CNN1: variants seen among roughly 807,000 people sequenced by gnomAD.
CNN1 encodes calponin-1.
CNN1 carries 21 observed loss-of-function variants against 35.3 expected under a neutral mutation model. The ratio of observed to expected loss-of-function variants is 0.60; its 90% confidence interval spans 0.42 to 0.86. CNN1 has a LOEUF of 0.86. Among genes scored for constraint, CNN1 ranks in the 40% least tolerant of loss-of-function variants. The pLI, the probability that CNN1 is intolerant of heterozygous loss-of-function variation, is 0.00. For missense variants in CNN1, 314 were observed against 400.8 expected (o/e 0.78, Z 1.85); for synonymous variants, 164 against 161.8 (o/e 1.01, Z -0.10).
At chr19:11,542,626 A>C (rs1972491334) in intron 2 of CNN1, among the ~76,000 whole-genome samples, 1 of 147,936 alleles carries the variant, frequency 6.8e-6, no homozygotes, top group Non-Finnish European at 1.5e-5. Flanking sequence ...CCCAGGCTGG[A>C]GTGCAGTGGC....
At position 11,549,872 on chromosome 19, in the gene CNN1, A is replaced by G; in HGVS notation, c.*77A>G. The G allele has an allele frequency of 2.0e-6, 3 of 1,527,998 alleles. No homozygotes were observed. Among genetic ancestry groups the G allele is most frequent in the Non-Finnish European group, 2.6e-6 (3 of 1,132,300 alleles). 94.7% of individuals were successfully genotyped at this position (1,527,998 alleles called of 1,614,324 possible). A position where few individuals can be genotyped will look rare whatever the true frequency, so the allele number is the denominator to read the frequency against. Reference sequence around the variant, plus strand: ...GGCTGGACCCAGCCAGGCCCAGCCGACCCCCTCTCCCTGCATGGCATCCTC... The same window carrying G: ...GGCTGGACCCAGCCAGGCCCAGCCGGCCCCCTCTCCCTGCATGGCATCCTC... On this transcript the variant is annotated 3_prime_UTR_variant, in exon 7 of 7. Coordinates refer to ENST00000252456, the MANE Select transcript of CNN1 (RefSeq NM_001299.6). This position sits in a 1 kb window ranked among gnomAD's most constrained non-coding sequence, Gnocchi z 5.2.
chr19:11,549,429 C>T lies in CNN1; in HGVS notation c.608C>T (p.Thr203Ile). 1 of 1,613,848 alleles carries T rather than the reference C, an allele frequency of 6.2e-7. No homozygotes were observed. The highest frequency in any genetic ancestry group is 1.1e-5 in the South Asian group (1 of 91,066). ...LGTDQPLDQA[T>I]ISLQMGTNKG... ...ACAGACCAGCCTCTGGACCAGGCGA[C>T]CATCAGCCTGCAGATGGGCACCAAC... Residue 203 changes from threonine to isoleucine, a missense_variant, in exon 6 of 7, where the codon ACC (threonine) becomes ATC (isoleucine). Physicochemically the swap from Thr to Ile is moderately conservative, Grantham distance 89 (BLOSUM62 -1). Coordinates refer to ENST00000252456, the MANE Select transcript of CNN1 (RefSeq NM_001299.6). The surrounding 1 kb of genome is among the most constrained non-coding windows in gnomAD (Gnocchi z 5.2).
chr19:11,546,202 G>T (rs895552854), intron 2 of CNN1, among the ~76,000 whole-genome samples: 1 of 152,178 alleles, frequency 6.6e-6, no homozygotes, highest in Admixed American at 6.5e-5. Context: ...GTGTGTGCTT[G>T]GGTGGTTTGG....
rs1246253367 is a variant in CNN1 at position 11,547,885 on chromosome 19, G to T, written c.479G>T (p.Gly160Val). ...RKFEPGKLRE[G>V]RNIIGLQMGT... is the part of the protein sequence containing the mutation. ...TTCGAGCCGGGGAAGCTAAGAGAAGGGCGGAACATCATTGGGCTGCAGGTA... is the reference window on the plus strand; with the variant it reads ...TTCGAGCCGGGGAAGCTAAGAGAAGTGCGGAACATCATTGGGCTGCAGGTA... The change falls in exon 5 of 7, where the codon GGG becomes GTG. Residue 160 changes from glycine (G) to valine (V), a missense_variant. Gly to Val is a moderately radical substitution (Grantham distance 109). Transcript: ENST00000252456. 1 of 1,613,958 alleles carries T rather than the reference G, an allele frequency of 6.2e-7. No individual in the cohort carries two copies. Among genetic ancestry groups the T allele is most frequent in the Admixed American group, 1.7e-5 (1 of 59,996 alleles).
chr19:11,548,521 G>A (rs1972642066), intron 5 of CNN1, among the ~76,000 whole-genome samples: 1 of 151,994 alleles, frequency 6.6e-6, no homozygotes, highest in Non-Finnish European at 1.5e-5. Flanking sequence ...CAGCCTGGGC[G>A]ACAGAGTGAG....
chr19:11,541,066 C>G lies in CNN1; in HGVS notation c.64-10C>G. 1 of 1,600,192 alleles carries G rather than the reference C, an allele frequency of 6.2e-7. No homozygotes were observed. The highest frequency in any genetic ancestry group is 1.1e-5 in the South Asian group (1 of 89,286). ...CTTTCTCTGTGCCCCCTGCCCTCCC[C>G]TCGCCCCAGCTGGCCCAGAAGTATG... On this transcript the variant is annotated splice_polypyrimidine_tract_variant and intron_variant, in intron 1 of 6. Coordinates refer to ENST00000252456, the MANE Select transcript of CNN1 (RefSeq NM_001299.6).
Position 11,546,906 on chromosome 19 carries a change from C to G in CNN1, c.327C>G (p.Asn109Lys). ...GVKPHDIFEA[N>K]DLFENTNHTQ... ...AGCCCCACGACATTTTTGAGGCCAA[C>G]GACCTGTTTGAGAACACCAACCATA... The change falls in exon 4 of 7, where the codon AAC becomes AAG. Residue 109 changes from asparagine to lysine, a missense_variant. Asn to Lys is a moderately conservative substitution (Grantham distance 94). Transcript: ENST00000252456. 1 of 1,614,254 alleles carries G rather than the reference C, an allele frequency of 6.2e-7. No individual in the cohort carries two copies. The highest frequency in any genetic ancestry group is 8.5e-7 in the Non-Finnish European group (1 of 1,180,050).
chr19:11,541,130 G>A lies in CNN1; in HGVS notation c.118G>A (p.Gly40Arg). Residue 40 changes from glycine (G) to arginine (R), a missense_variant, in exon 2 of 7, where the codon GGG becomes AGG. Gly to Arg is a moderately radical substitution (Grantham distance 125, BLOSUM62 -2). Coordinates refer to ENST00000252456, the MANE Select transcript of CNN1 (RefSeq NM_001299.6). ...REQELREWIE[G>R]VTGRRIGNNF... ...GCAGGAGCTGAGAGAGTGGATCGAGGGGGTGACAGGCCGTCGCATCGGCAA... is the reference window on the plus strand; with the variant it reads ...GCAGGAGCTGAGAGAGTGGATCGAGAGGGTGACAGGCCGTCGCATCGGCAA... The A allele has an allele frequency of 6.2e-7, 1 of 1,609,754 alleles. No individual in the cohort carries two copies. The highest frequency in any genetic ancestry group is 1.1e-5 in the South Asian group (1 of 90,790).
intron 1 of CNN1, chr19:11,539,305 T>A (rs1972407215): frequency 3.5e-6 from 4 of 1,133,218 alleles, no homozygotes; most frequent in Non-Finnish European, 4.3e-6. Context: ...GGGGAAGACT[T>A]GTTGATTTTT....
At position 11,549,628 on chromosome 19, in the gene CNN1, G is replaced by A. The variant is rs369315192; in HGVS notation, c.727G>A (p.Val243Ile). 33 of 1,613,208 alleles carry A rather than the reference G, an allele frequency of 2.0e-5. No homozygotes were observed. The African/African-American group carries it at 4.3e-4, about 21-fold the overall frequency. Residue 243 changes from valine to isoleucine, a missense_variant, in exon 7 of 7, where the codon GTC (valine) becomes ATC (isoleucine). Transcript: ENST00000252456. The surrounding 1 kb of genome is among the most constrained non-coding windows in gnomAD (Gnocchi z 5.2). ...CATGGAGCACTGCGACACGCTCAAT[G>A]TCAGCCTGCAGATGGGCAGCAACAA... ...LGMEHCDTLNVSLQMGSNKGA... is the reference protein window; with the variant it reads ...LGMEHCDTLNISLQMGSNKGA...
chr19:11,546,641 G>GA, intron 2 of CNN1, 34 bp from the exon 3 acceptor site: 2 of 1,613,378 alleles, frequency 1.2e-6, no homozygotes, highest in East Asian at 4.5e-5. Flanking sequence ...ACCCTGGGGG[G>GA]ACACCTTTCT....
intron 5 of CNN1, among the ~76,000 whole-genome samples, 158 bp downstream of exon 5, chr19:11,548,065 A>G (rs929913732): frequency 4.6e-5 from 7 of 152,148 alleles, no homozygotes; most frequent in South Asian, 2.1e-4. Context: ...CACTCTGCCA[A>G]CACCCCAGCA....
chr19:11,549,527 C>G lies in CNN1; in HGVS notation c.649-23C>G, dbSNP rs1289804516. 1 of 1,601,404 alleles carries G rather than the reference C, an allele frequency of 6.2e-7. No individual in the cohort carries two copies. Among genetic ancestry groups the G allele is most frequent in the South Asian group, 1.1e-5 (1 of 90,284 alleles). ...GCCCAGGACCCTGGCCACCCCACGG[C>G]CTGACCACACCACCCTTCGCAGGCT... On this transcript the variant is annotated intron_variant, in intron 6 of 6. Coordinates refer to ENST00000252456, the MANE Select transcript of CNN1 (RefSeq NM_001299.6). The surrounding 1 kb of genome is among the most constrained non-coding windows in gnomAD (Gnocchi z 5.2).
chr19:11,543,039 C>A (rs926149494), intron 2 of CNN1, among the ~76,000 whole-genome samples: 1 of 152,094 alleles, frequency 6.6e-6, no homozygotes, highest in Admixed American at 6.6e-5. Flanking sequence ...GGGGTGTTTA[C>A]CTTGTTCCAT....
At chr19:11,541,652 A>T (rs1599603376) in intron 2 of CNN1, among the ~76,000 whole-genome samples, 2 of 152,144 alleles carry the variant, frequency 1.3e-5, no homozygotes. Flanking sequence ...GCAGAGACAC[A>T]ATCTCGGCTC....
intron 5 of CNN1, among the ~76,000 whole-genome samples, chr19:11,548,815 C>T (rs368667838): frequency 2.0e-5 from 3 of 151,508 alleles, no homozygotes; most frequent in Non-Finnish European, 4.4e-5. Context: ...CCAACCTGGG[C>T]GACAGAGTGA....
chr19:11,540,928 A>T, intron 1 of CNN1, 148 bp from the exon 2 acceptor site: 1 of 782,806 alleles, frequency 1.3e-6, no homozygotes, highest in Non-Finnish European at 1.9e-6. Flanking sequence ...CCCATCCCCC[A>T]ACTATGGATC....
In CNN1 at chr19:11,547,337, C is replaced by T. The variant is rs142338664; in HGVS notation, c.390+368C>T. 7.6e-3 allele frequency among the ~76,000 whole-genome samples: 1,151 copies of T among 150,992 alleles called. 20 individuals carry two copies. The highest frequency in any genetic ancestry group is 0.066 in the East Asian group (338 of 5,148). ...GCTTGAACCCGGGAGGCGGAGTCTGCAGTGAGCCGAGATCGTGCCACTGCC... is the reference window on the plus strand; with the variant it reads ...GCTTGAACCCGGGAGGCGGAGTCTGTAGTGAGCCGAGATCGTGCCACTGCC... On this transcript the variant is annotated intron_variant, in intron 4 of 6. Coordinates refer to ENST00000252456, the MANE Select transcript of CNN1 (RefSeq NM_001299.6).
Position 11,539,431 on chromosome 19 carries a change from G to A in CNN1, c.63+441G>A, listed in dbSNP as rs369712044. The A allele has an allele frequency of 7.3e-4, 781 of 1,074,188 alleles. 12 individuals are homozygous for A. In the South Asian group the frequency reaches 0.017, roughly 23 times the overall value. 66.5% of individuals were successfully genotyped at this position (1,074,188 alleles called of 1,614,324 possible). On this transcript the variant is annotated intron_variant, in intron 1 of 6. Transcript: ENST00000252456. ...AGACAGAGGGGGACGGTGAAAGGCA[G>A]GAAGCGGGCATCAGAAGTGCGGCAG... is the stretch of plus-strand genomic sequence containing the variant.
Sources: allele counts gnomAD v4.1 joint callset (sites outside exome capture counted in the v4.1 genomes callset), GRCh38; gene constraint gnomAD v4.1.1; non-coding constraint Gnocchi (gnomAD v3.1); transcripts MANE v1.5; gene names NCBI Gene and HGNC (gene_info 2026-07-23, HGNC 2026-07-21).